The following SPRR2G variants were observed in gnomAD, a reference collection of about 807,000 sequenced individuals.
SPRR2G encodes small proline rich protein 2G.
In SPRR2G, 1 loss-of-function variant was observed where a neutral mutation model predicts 0.7. The ratio of observed to expected loss-of-function variants is 1.49; its 90% CI spans 0.53 to 7.06. SPRR2G has a LOEUF of 7.06. Among genes scored for constraint, SPRR2G ranks in the 30% most tolerant of loss-of-function variants. SPRR2G has a pLI of 0.14. For synonymous variants in SPRR2G, 38 were observed against 33.9 expected, an observed-to-expected ratio of 1.12 and a Z score of -0.42; for missense variants, 96 against 88.5, an observed-to-expected ratio of 1.09 and a Z score of -0.34.
At chr1:153,166,592 T>C in the SPRR2G span, among the ~76,000 whole-genome samples, 2 of 152,246 alleles carry the variant, frequency 1.3e-5, no homozygotes. Context: ...GAATTGGGCC[T>C]CTGGACAGCA....
chr1:153,183,582 TA>T, the SPRR2G span, among the ~76,000 whole-genome samples: 1 of 152,210 alleles, frequency 6.6e-6, no homozygotes, highest in African/African-American at 2.4e-5. Context: ...TTTTTTCTTG[TA>T]AATTTATTTA....
chr1:153,173,558 TG>T, the SPRR2G span, among the ~76,000 whole-genome samples: 4 of 152,354 alleles, frequency 2.6e-5, no homozygotes, highest in African/African-American at 9.6e-5. Flanking sequence ...GCTTGAAGTC[TG>T]TCCACAATAG....
At chr1:153,164,150 G>GA in the SPRR2G span, among the ~76,000 whole-genome samples, 1 of 152,276 alleles carries the variant, frequency 6.6e-6, no homozygotes, top group African/African-American at 2.4e-5. Context: ...TAAAATAACA[G>GA]AAAATGTTAT....
At chr1:153,162,023 A>G in the SPRR2G span, among the ~76,000 whole-genome samples, 1 of 152,068 alleles carries the variant, frequency 6.6e-6, no homozygotes, top group African/African-American at 2.4e-5. Context: ...CTTTTATTTT[A>G]AGTTCAAGGG....
the SPRR2G span, among the ~76,000 whole-genome samples, chr1:153,161,573 T>C: frequency 1.9e-4 from 29 of 152,316 alleles, no homozygotes; most frequent in African/African-American, 6.5e-4. Context: ...GGTTTTTAAT[T>C]TGATGCAGCC....
the SPRR2G span, among the ~76,000 whole-genome samples, chr1:153,195,574 G>A: frequency 6.6e-6 from 1 of 152,078 alleles, no homozygotes; most frequent in African/African-American, 2.4e-5. Flanking sequence ...ACCATTTTGG[G>A]GGTCTTAAGT....
chr1:153,197,446 A>G, the SPRR2G span, among the ~76,000 whole-genome samples: 1 of 152,002 alleles, frequency 6.6e-6, no homozygotes, highest in Non-Finnish European at 1.5e-5. Context: ...ATAAAGTTGG[A>G]TCTCCCTCCT....
the SPRR2G span, among the ~76,000 whole-genome samples, chr1:153,171,240 T>C: frequency 1.6e-4 from 25 of 152,136 alleles, no homozygotes; most frequent in Non-Finnish European, 8.8e-5. Context: ...TCCTCCACCC[T>C]TTTCCCGGCC....
chr1:153,199,859 G>T, the SPRR2G span, among the ~76,000 whole-genome samples: 1 of 152,082 alleles, frequency 6.6e-6, no homozygotes, highest in African/African-American at 2.4e-5. Flanking sequence ...CACAGAGAGG[G>T]TTTTAAGAGG....
At chr1:153,197,436 A>G in the SPRR2G span, among the ~76,000 whole-genome samples, 1 of 152,134 alleles carries the variant, frequency 6.6e-6, no homozygotes, top group African/African-American at 2.4e-5. Flanking sequence ...CTCCATCTCC[A>G]TAAAGTTGGA....
At chr1:153,185,339 CTTTT>C in the SPRR2G span, among the ~76,000 whole-genome samples, 2 of 137,826 alleles carry the variant, frequency 1.5e-5, no homozygotes, top group African/African-American at 5.2e-5. Flanking sequence ...TGGTCCTGGG[CTTTT>C]TTTTTTTTTT....
chr1:153,175,103 C>G, the SPRR2G span, among the ~76,000 whole-genome samples: 2 of 152,152 alleles, frequency 1.3e-5, no homozygotes, highest in Admixed American at 1.3e-4. Flanking sequence ...ACAATTCCAC[C>G]TGATATCTCC....
At chr1:153,179,702 A>C in the SPRR2G span, among the ~76,000 whole-genome samples, 6 of 146,036 alleles carry the variant, frequency 4.1e-5, no homozygotes, top group Non-Finnish European at 8.9e-5. Flanking sequence ...CCTTAAGCTT[A>C]TTATCACTTC....
the SPRR2G span, among the ~76,000 whole-genome samples, chr1:153,187,042 C>T: frequency 2.0e-5 from 3 of 152,310 alleles, no homozygotes; most frequent in East Asian, 3.9e-4. Flanking sequence ...CCTCTTCTGG[C>T]ATGTAGGGTT....
chr1:153,168,198 ACACT>A, the SPRR2G span, among the ~76,000 whole-genome samples: 1 of 152,234 alleles, frequency 6.6e-6, no homozygotes, highest in African/African-American at 2.4e-5. Context: ...AGTTCTGGAA[ACACT>A]CAGTTCCATA....
At chr1:153,181,839 T>C in the SPRR2G span, among the ~76,000 whole-genome samples, 3 of 152,056 alleles carry the variant, frequency 2.0e-5, no homozygotes, top group African/African-American at 7.2e-5. Context: ...GACTCTTAGG[T>C]TGATTCCATA....
At chr1:153,154,223 ATG>A (rs1241700176), upstream of SPRR2G, among the ~76,000 whole-genome samples, 1 of 151,670 alleles carries the variant, frequency 6.6e-6, no homozygotes, top group African/African-American at 2.4e-5. Flanking sequence ...CCACTTGATC[ATG>A]TTGCATTATT....
the SPRR2G span, among the ~76,000 whole-genome samples, chr1:153,175,873 G>A: frequency 6.6e-6 from 1 of 152,038 alleles, no homozygotes; most frequent in South Asian, 2.1e-4. Context: ...TCACCTGAGG[G>A]CGGTGAAACT....
At chr1:153,150,618 C>G (rs970377313) in intron 1 of SPRR2G, among the ~76,000 whole-genome samples, 1 of 152,180 alleles carries the variant, frequency 6.6e-6, no homozygotes, top group African/African-American at 2.4e-5. Context: ...GACAGAACAG[C>G]ATCTTGTGTC....
Sources: gnomAD v4.1 joint callset for allele counts (sites outside exome capture counted in the v4.1 genomes callset) on GRCh38, gnomAD v4.1.1 for gene constraint, MANE v1.5 for transcripts, NCBI Gene and HGNC (gene_info 2026-07-23, HGNC 2026-07-21) for gene names.